The following SLC7A2 variants were observed in gnomAD, a reference collection of about 807,000 sequenced individuals.
SLC7A2 encodes solute carrier family 7 member 2.
Under a neutral mutation model 58.9 loss-of-function variants are expected in SLC7A2, and 48 were observed. The observed-to-expected ratio is 0.82, with a 90% CI of 0.65 to 1.04. SLC7A2 has a LOEUF of 1.04. Ranked by LOEUF, SLC7A2 falls within the 50% of genes least tolerant of loss-of-function variation. SLC7A2 has a pLI of 0.00. For missense variants in SLC7A2, 1,029 were observed against 818.8 expected (o/e 1.26, Z -3.13); for synonymous variants, 363 against 314.5 (o/e 1.15, Z -1.63).
At chr8:17,528,607 A>C (rs1177851170) in intron 2 of SLC7A2, among the ~76,000 whole-genome samples, 1 of 152,072 alleles carries the variant, frequency 6.6e-6, no homozygotes, top group Admixed American at 6.6e-5. Context: ...TCAAACTCCT[A>C]GGGCAGTCAA....
At chr8:17,543,784 G>C in intron 3 of SLC7A2, 69 bp downstream of exon 3, 1 of 1,419,034 alleles carries the variant, frequency 7.0e-7, no homozygotes, top group Non-Finnish European at 9.5e-7. Context: ...ACAGCCCTTA[G>C]GTTCAGTTGT....
intron 9 of SLC7A2, among the ~76,000 whole-genome samples, chr8:17,559,380 C>A (rs1802855276): frequency 6.6e-6 from 1 of 152,068 alleles, no homozygotes; most frequent in Non-Finnish European, 1.5e-5. Flanking sequence ...TCACATGCTG[C>A]CAGGAAGGAG....
At chr8:17,538,923 G>C (rs1201844999) in intron 2 of SLC7A2, 2 of 1,612,172 alleles carry the variant, frequency 1.2e-6, no homozygotes, top group African/African-American at 2.7e-5. Context: ...AGTTTCTCCT[G>C]TAAGATTTAT....
rs977304252 is a variant in SLC7A2 at position 17,568,365 on chromosome 8, A to T, written c.*3219A>T. Reference sequence around the variant, plus strand: ...GAAAACTTATATTAGAACTTTTGATATATACTAAAATACTGATTATCTTAA... The same window carrying T: ...GAAAACTTATATTAGAACTTTTGATTTATACTAAAATACTGATTATCTTAA... On this transcript the variant is annotated 3_prime_UTR_variant, in exon 13 of 13. Transcript: ENST00000494857. 1 of 152,176 alleles carries T rather than the reference A, an allele frequency of 6.6e-6. No individual in the cohort carries two copies. Among genetic ancestry groups the T allele is most frequent in the Non-Finnish European group, 1.5e-5 (1 of 68,032 alleles). The allele number at this position is 152,176 out of a possible 1,614,324, so 9.4% of individuals were successfully genotyped here.
In SLC7A2 at chr8:17,551,793, A is replaced by G. The variant is rs558666011; in HGVS notation, c.862A>G (p.Ile288Val). 3.7e-6 allele frequency: 6 copies of G among 1,613,796 alleles called. No individual in the cohort carries two copies. Among genetic ancestry groups the G allele is most frequent in the Non-Finnish European group, 5.1e-6 (6 of 1,179,990 alleles). Residue 288 changes from isoleucine (I) to valine (V), a missense_variant, in exon 7 of 13, where the codon ATT becomes GTT. Coordinates refer to ENST00000494857, the MANE Select transcript of SLC7A2 (RefSeq NM_001370338.1). ...AGAAGTTCGGAATCCCCAGAAAGCTATTCCCATTGGAATTGTGACGTCTTT... is the reference window on the plus strand; with the variant it reads ...AGAAGTTCGGAATCCCCAGAAAGCTGTTCCCATTGGAATTGTGACGTCTTT... ...GEEVRNPQKAIPIGIVTSLLV... is the reference protein window; with the variant it reads ...GEEVRNPQKAVPIGIVTSLLV...
Position 17,518,000 on chromosome 8 carries a change from G to C in SLC7A2, c.-23+15698G>C, listed in dbSNP as rs563675769. 2.0e-5 allele frequency among the ~76,000 whole-genome samples: 3 copies of C among 152,162 alleles called. No homozygotes were observed. The South Asian group carries it at 6.2e-4, about 32-fold the overall frequency. On this transcript the variant is annotated intron_variant, in intron 2 of 12. Coordinates refer to ENST00000494857, the MANE Select transcript of SLC7A2 (RefSeq NM_001370338.1). ...CCTTAGTTTCATCATGCAAAGATAG[G>C]ACATTTCTCCTGAGGTGGTTGTGAG...
intron 12 of SLC7A2, 70 bp downstream of exon 12, chr8:17,563,781 C>T (rs1803137476): frequency 2.3e-5 from 20 of 882,998 alleles, no homozygotes; most frequent in Non-Finnish European, 3.5e-5. Flanking sequence ...GCCCTCTCCC[C>T]CATCCTGGGA....
intron 2 of SLC7A2, among the ~76,000 whole-genome samples, chr8:17,534,580 C>G (rs919666304): frequency 6.6e-6 from 1 of 151,266 alleles, no homozygotes; most frequent in Non-Finnish European, 1.5e-5. Context: ...GTTTGGAATT[C>G]TGACAATTCA....
chr8:17,523,806 A>T (rs888388390), intron 2 of SLC7A2, among the ~76,000 whole-genome samples: 14 of 152,222 alleles, frequency 9.2e-5, no homozygotes, highest in Admixed American at 5.9e-4. Flanking sequence ...AAAAGAAATA[A>T]TCAGCAGAAT....
At position 17,539,708 on chromosome 8, in the gene SLC7A2, A is replaced by G. The variant is rs544207041; in HGVS notation, c.-22-3610A>G. On this transcript the variant is annotated intron_variant, in intron 2 of 12. Coordinates refer to ENST00000494857, the MANE Select transcript of SLC7A2 (RefSeq NM_001370338.1). ...GCGTGTAGGTTTCGTATTAAATATG[A>G]GTCCTTGGTCACAGTAGCAATAACT... Among the ~76,000 whole-genome samples the G allele has an allele frequency of 2.1e-4, 32 of 152,264 alleles. No homozygotes were observed. In the South Asian group the frequency reaches 2.5e-3, roughly 12 times the overall value.
chr8:17,525,552 G>A (rs762029710), intron 2 of SLC7A2, among the ~76,000 whole-genome samples: 5 of 152,256 alleles, frequency 3.3e-5, no homozygotes, highest in Admixed American at 1.3e-4. Flanking sequence ...TAGGAGTGGC[G>A]AGTCCTGAGG....
intron 9 of SLC7A2, 23 bp from the exon 10 acceptor site, chr8:17,560,305 C>T (rs768301839): frequency 6.3e-7 from 1 of 1,587,626 alleles, no homozygotes; most frequent in Admixed American, 1.7e-5. Flanking sequence ...AGAATAAAGA[C>T]ATAGATGTTT....
intron 2 of SLC7A2, among the ~76,000 whole-genome samples, chr8:17,533,761 CTATT>C (rs1360981451): frequency 6.6e-6 from 1 of 152,208 alleles, no homozygotes; most frequent in Non-Finnish European, 1.5e-5. Flanking sequence ...CAAGCACAGG[CTATT>C]TATTTAAAGT....
intron 2 of SLC7A2, among the ~76,000 whole-genome samples, chr8:17,524,975 C>G (rs771450937): frequency 6.6e-5 from 10 of 152,090 alleles, no homozygotes; most frequent in African/African-American, 2.4e-4. Context: ...GGGCAAGGGT[C>G]AGGGATGACT....
intron 2 of SLC7A2, among the ~76,000 whole-genome samples, chr8:17,534,739 A>G (rs1187754616): frequency 6.6e-6 from 1 of 150,856 alleles, no homozygotes; most frequent in Non-Finnish European, 1.5e-5. Context: ...CCCTCCTTGC[A>G]CAAAGTTACA....
upstream of SLC7A2, among the ~76,000 whole-genome samples, chr8:17,496,831 G>A (rs1799969652): frequency 6.6e-6 from 1 of 152,074 alleles, no homozygotes; most frequent in African/African-American, 2.4e-5. Context: ...ATCCTCGCGC[G>A]CAGCCTCTCT....
intron 2 of SLC7A2, among the ~76,000 whole-genome samples, chr8:17,521,551 C>A (rs1295025002): frequency 6.6e-6 from 1 of 152,234 alleles, no homozygotes; most frequent in African/African-American, 2.4e-5. Flanking sequence ...TTCTGGAATT[C>A]CATCCTGGAT....
At chr8:17,546,043 C>T (rs761521394) in intron 4 of SLC7A2, among the ~76,000 whole-genome samples, 27 of 152,150 alleles carry the variant, frequency 1.8e-4, no homozygotes, top group Admixed American at 6.5e-4. Context: ...AGTCTAATGT[C>T]AAGAGAAGTT....
At chr8:17,511,570 T>C (rs1800606444) in intron 2 of SLC7A2, among the ~76,000 whole-genome samples, 1 of 152,328 alleles carries the variant, frequency 6.6e-6, no homozygotes, top group Non-Finnish European at 1.5e-5. Context: ...ACAGAATAGA[T>C]AGAATTCAGT....
Sources: gnomAD v4.1 joint callset for allele counts (sites outside exome capture counted in the v4.1 genomes callset) on GRCh38, gnomAD v4.1.1 for gene constraint, MANE v1.5 for transcripts, NCBI Gene and HGNC (gene_info 2026-07-23, HGNC 2026-07-21) for gene names.